The following OTOGL variants were observed in gnomAD, a reference collection of about 807,000 sequenced individuals.
The protein encoded by OTOGL is otogelin like.
In OTOGL, 285 loss-of-function variants were observed where a neutral mutation model predicts 318.5. That is an observed-to-expected ratio of 0.89 (90% CI 0.81 to 0.99). OTOGL has a LOEUF of 0.99. OTOGL is among the 50% of genes least tolerant of loss of function. OTOGL has a pLI of 0.00. For synonymous variants in OTOGL, 987 were observed against 936.5 expected, an observed-to-expected ratio of 1.05 and a Z score of -0.99; for missense variants, 2,899 against 2,845.6, an observed-to-expected ratio of 1.02 and a Z score of -0.43.
rs568127510 is a variant in OTOGL, at chr12:80,181,643, G to C, written c.-19-27770G>C. Among the ~76,000 whole-genome samples the C allele has an allele frequency of 1.8e-3, 269 of 147,752 alleles. 2 individuals carry two copies. Among genetic ancestry groups the C allele is most frequent in the African/African-American group, 5.8e-3 (222 of 38,046 alleles). ...CTGAGGATCAAGATTTTTTTTTTTG[G>C]CTGTAAAGTCATAGGCAACAGCATC... On this transcript the variant is annotated intron_variant, in intron 1 of 58. Coordinates refer to ENST00000547103, the MANE Select transcript of OTOGL (RefSeq NM_001378609.3).
chr12:80,308,866 C>T (rs1886429002), intron 29 of OTOGL, among the ~76,000 whole-genome samples: 2 of 152,164 alleles, frequency 1.3e-5, no homozygotes, highest in South Asian at 4.1e-4. Context: ...ACTCGGCAAG[C>T]TGAGGCAGGA....
At chr12:80,269,997 A>C in intron 22 of OTOGL, 105 bp from the exon 23 acceptor site, 2 of 919,886 alleles carry the variant, frequency 2.2e-6, no homozygotes, top group Non-Finnish European at 3.3e-6. Context: ...ACATTTGTAT[A>C]ATGTACTCAA....
chr12:80,214,955 A>G (rs1165393915), intron 4 of OTOGL, among the ~76,000 whole-genome samples: 2 of 152,206 alleles, frequency 1.3e-5, no homozygotes, highest in Non-Finnish European at 2.9e-5. Context: ...GAAATGTATT[A>G]TGATGTATGG....
chr12:80,110,616 T>G (rs1592459843), intron 1 of OTOGL, among the ~76,000 whole-genome samples: 1 of 152,296 alleles, frequency 6.6e-6, no homozygotes, highest in East Asian at 1.9e-4. Flanking sequence ...TATTCCATGG[T>G]GTATTTGTGC....
At chr12:80,130,308 A>G (rs1871160433) in intron 1 of OTOGL, among the ~76,000 whole-genome samples, 1 of 152,240 alleles carries the variant, frequency 6.6e-6, no homozygotes, top group South Asian at 2.1e-4. Flanking sequence ...AAAGATGCAG[A>G]GAAAACACAT....
At chr12:80,192,381 C>G (rs1269287563) in intron 1 of OTOGL, among the ~76,000 whole-genome samples, 2 of 152,222 alleles carry the variant, frequency 1.3e-5, no homozygotes, top group Non-Finnish European at 2.9e-5. Flanking sequence ...CAGGCAGGGA[C>G]CCCTCCTCCC....
At chr12:80,181,693 A>G (rs538674488) in intron 1 of OTOGL, among the ~76,000 whole-genome samples, 3 of 151,920 alleles carry the variant, frequency 2.0e-5, no homozygotes, top group Non-Finnish European at 4.4e-5. Flanking sequence ...GTAGGGTCCT[A>G]GTGAGCCTAT....
intron 9 of OTOGL, among the ~76,000 whole-genome samples, chr12:80,234,959 G>A (rs1307375893): frequency 2.6e-5 from 4 of 152,280 alleles, no homozygotes; most frequent in African/African-American, 7.2e-5. Context: ...ATAGTACTGG[G>A]ATCATCTCGA....
Position 80,264,856 on chromosome 12 carries a change from AC to A in OTOGL, c.2015-144del, listed in dbSNP as rs1354289903. On this transcript the variant is annotated intron_variant, in intron 19 of 58. Coordinates refer to ENST00000547103, the MANE Select transcript of OTOGL (RefSeq NM_001378609.3). ...CTGTTACCAATATTATATAAAAAAA[AC>A]AAAAACTGTATAAGCTGAAATTGTT... is the stretch of plus-strand genomic sequence containing the variant. 2.4e-5 allele frequency: 21 copies of A among 860,104 alleles called. No homozygotes were observed. In the East Asian group the frequency reaches 2.8e-4, roughly 11 times the overall value. The allele number at this position is 860,104 out of a possible 1,614,324, so 53.3% of individuals were successfully genotyped here. A position where few individuals can be genotyped will look rare whatever the true frequency, so the allele number is the denominator to read the frequency against.
In OTOGL at chr12:80,266,521, C is replaced by G. The variant is rs1399753688; in HGVS notation, c.2295C>G (p.Leu765=). 6.2e-7 allele frequency: 1 copy of G among 1,613,456 alleles called. No homozygotes were observed. The highest frequency in any genetic ancestry group is 1.1e-5 in the South Asian group (1 of 91,054). ...SSFCLHSCIS[L]SSPEQCSDDC... is the part of the protein sequence containing the mutation. ...TCTGCCTCCATTCCTGCATTTCTCTCTCTTCCCCGGAGCAGTGCAGTGATG... is the reference window on the plus strand; with the variant it reads ...TCTGCCTCCATTCCTGCATTTCTCTGTCTTCCCCGGAGCAGTGCAGTGATG... The change falls in exon 21 of 59, where the codon CTC becomes CTG. Residue 765 remains leucine (L), a synonymous_variant. Transcript: ENST00000547103.
chr12:80,306,534 A>T (rs1288925588), intron 29 of OTOGL, among the ~76,000 whole-genome samples: 1 of 152,078 alleles, frequency 6.6e-6, no homozygotes, highest in Non-Finnish European at 1.5e-5. Flanking sequence ...ATATGTCTAA[A>T]TCTCTTTAAA....
rs528818794 is a variant in OTOGL, at chr12:80,252,089, T to C, written c.1173T>C (p.Asp391=). ...DDFPACTDKC[D]DSFVHRDCIS... is the part of the protein sequence containing the mutation. Reference sequence around the variant, plus strand: ...TGTCTGTTTTAGCTGATAAATGTGATGATAGCTTTGTCCATCGGGACTGTA... The same window carrying C: ...TGTCTGTTTTAGCTGATAAATGTGACGATAGCTTTGTCCATCGGGACTGTA... The change falls in exon 13 of 59, where the codon GAT becomes GAC. Residue 391 remains aspartate (D), a synonymous_variant. Coordinates refer to ENST00000547103, the MANE Select transcript of OTOGL (RefSeq NM_001378609.3). 1.3e-6 allele frequency: 2 copies of C among 1,548,322 alleles called. No individual in the cohort carries two copies. The highest frequency in any genetic ancestry group is 1.4e-5 in the African/African-American group (1 of 73,212).
At chr12:80,332,452 G>T (rs934569838) in intron 37 of OTOGL, among the ~76,000 whole-genome samples, 1 of 151,994 alleles carries the variant, frequency 6.6e-6, no homozygotes, top group African/African-American at 2.4e-5. Flanking sequence ...CCTTTAGAAG[G>T]TGCCTCACAG....
At chr12:80,136,465 G>A (rs749732103) in intron 1 of OTOGL, among the ~76,000 whole-genome samples, 3 of 152,160 alleles carry the variant, frequency 2.0e-5, no homozygotes, top group Non-Finnish European at 4.4e-5. Context: ...TACTGTCCAT[G>A]TAGTAGTAGG....
At chr12:80,105,158 A>G (rs1869383131) in intron 1 of OTOGL, among the ~76,000 whole-genome samples, 1 of 152,230 alleles carries the variant, frequency 6.6e-6, no homozygotes, top group African/African-American at 2.4e-5. Context: ...GAGAAAAAAA[A>G]ACATGACTAA....
Position 80,344,626 on chromosome 12 carries a change from A to G in OTOGL, c.5265+2464A>G, listed in dbSNP as rs550280894. 3.3e-5 allele frequency among the ~76,000 whole-genome samples: 5 copies of G among 152,310 alleles called. No individual in the cohort carries two copies. In the South Asian group the frequency reaches 1.0e-3, roughly 32 times the overall value. ...TCTAAATCAACAACCACATAAAACT[A>G]TTCCTATGGTAACATCTAAAAACCA... On this transcript the variant is annotated intron_variant, in intron 44 of 58. Coordinates refer to ENST00000547103, the MANE Select transcript of OTOGL (RefSeq NM_001378609.3).
At chr12:80,141,923 C>A (rs1871971594) in intron 1 of OTOGL, among the ~76,000 whole-genome samples, 4 of 152,090 alleles carry the variant, frequency 2.6e-5, no homozygotes, top group Admixed American at 2.6e-4. Context: ...ACCCTCATGG[C>A]CACTCTGAGA....
chr12:80,269,119 A>G (rs965986949), intron 22 of OTOGL, among the ~76,000 whole-genome samples: 2 of 152,078 alleles, frequency 1.3e-5, no homozygotes, highest in East Asian at 1.9e-4. Flanking sequence ...TCAGTGGTGA[A>G]TCACACCTCT....
Position 80,345,115 on chromosome 12 carries a change from TTATTATGTTATATATTATAATATA to T in OTOGL, c.5265+2960_5265+2983del, listed in dbSNP as rs1172416562. 1.9e-3 allele frequency among the ~76,000 whole-genome samples: 5 copies of T among 2,598 alleles called. No individual in the cohort carries two copies. The East Asian group carries it at 0.022, about 11-fold the overall frequency. 1.7% of individuals were successfully genotyped at this position (2,598 alleles called of 152,430 possible). ...TATATTTTATATATTATAATATATATTATTATGTTATATATTATAATATATATTATATGTTATATTATATATTAT... is the reference window on the plus strand; with the variant it reads ...TATATTTTATATATTATAATATATATTATTATATGTTATATTATATATTAT... On this transcript the variant is annotated intron_variant, in intron 44 of 58. Coordinates refer to ENST00000547103, the MANE Select transcript of OTOGL (RefSeq NM_001378609.3).
Sources: allele counts gnomAD v4.1 joint callset (sites outside exome capture counted in the v4.1 genomes callset), GRCh38; gene constraint gnomAD v4.1.1; transcripts MANE v1.5; gene names NCBI Gene and HGNC (gene_info 2026-07-23, HGNC 2026-07-21).